Variants in SNRNP200 observed in about 807,000 individuals in gnomAD.
SNRNP200 encodes the protein small nuclear ribonucleoprotein U5 subunit 200.
SNRNP200 carries 66 observed loss-of-function variants against 255.2 expected under a neutral mutation model. That is an observed-to-expected ratio of 0.26 (90% CI 0.21 to 0.32). SNRNP200 has a LOEUF of 0.32. Among genes scored for constraint, SNRNP200 ranks in the 10% least tolerant of loss-of-function variants. The pLI, the probability that SNRNP200 is intolerant of heterozygous loss-of-function variation, is 1.00. For synonymous variants in SNRNP200, 939 were observed against 1,027.8 expected (o/e 0.91, Z 1.65); for missense variants, 1,585 against 2,749.8 (o/e 0.58, Z 9.47).
At chr2:96,301,081 G>T in intron 4 of SNRNP200, 28 bp from the exon 5 acceptor site, 1 of 1,609,124 alleles carries the variant, frequency 6.2e-7, no homozygotes, top group Non-Finnish European at 8.5e-7. Context: ...TAGAAAAAGA[G>T]GGCAGTGAAT....
chr2:96,299,119 A>C (rs1332757726), intron 6 of SNRNP200, 152 bp from the exon 7 acceptor site: 23 of 1,074,174 alleles, frequency 2.1e-5, no homozygotes, highest in Non-Finnish European at 2.9e-5. Flanking sequence ...TTGAGTTCAG[A>C]AGCACACCAG....
At chr2:96,288,889 T>C in intron 23 of SNRNP200, 143 bp from the exon 24 acceptor site, 3 of 1,035,284 alleles carry the variant, frequency 2.9e-6, no homozygotes, top group Non-Finnish European at 4.4e-6. Context: ...TGTTATTTCA[T>C]ATAAAAAGAA....
chr2:96,295,801 A>AT, intron 13 of SNRNP200, 143 bp from the exon 14 acceptor site: 1 of 851,108 alleles, frequency 1.2e-6, no homozygotes, highest in Non-Finnish European at 1.9e-6. Context: ...TCTTATGAAC[A>AT]TATCTTCCTC....
chr2:96,286,186 C>G lies in SNRNP200; in HGVS notation c.4003+125G>C. 1.1e-6 allele frequency: 1 copy of G among 924,904 alleles called. No homozygotes were observed. The highest frequency in any genetic ancestry group is 1.3e-5 in the South Asian group (1 of 76,596). 57.3% of individuals were successfully genotyped at this position (924,904 alleles called of 1,614,324 possible). A position where few individuals can be genotyped will look rare whatever the true frequency, so the allele number is the denominator to read the frequency against. ...AGGAAAAAGTCCTGGTGGGTCCCAG[C>G]GGTCACACTGAGGAGCTCCCAGACC... On this transcript the variant is annotated intron_variant, in intron 29 of 44. Transcript: ENST00000323853. This position sits in a 1 kb window ranked among gnomAD's most constrained non-coding sequence, Gnocchi z 4.8.
intron 34 of SNRNP200, chr2:96,282,397 A>C (rs557523418): frequency 3.1e-4 from 59 of 191,000 alleles, no homozygotes; most frequent in Middle Eastern, 9.8e-4. Context: ...TTTGCACAAA[A>C]TGCCACAGGG....
rs1184642761 is a variant in SNRNP200 at position 96,289,084 on chromosome 2, T to C, written c.3127A>G (p.Arg1043Gly). The C allele has an allele frequency of 6.2e-7, 1 of 1,613,402 alleles. No individual in the cohort carries two copies. The highest frequency in any genetic ancestry group is 1.1e-5 in the South Asian group (1 of 90,856). Reference protein sequence around the residue: ...EKLELQKLLERVPIPVKESIE... With the variant: ...EKLELQKLLEGVPIPVKESIE... ...CTCTCCTTTACAGGGATAGGCACCC[T>C]CTCCAGCAACTTCTGCAGCTCCAGC... Residue 1043 changes from arginine to glycine, a missense_variant, in exon 23 of 45, where the codon AGG becomes GGG. Coordinates refer to ENST00000323853, the MANE Select transcript of SNRNP200 (RefSeq NM_014014.5).
rs143009725 is a variant in SNRNP200 at position 96,285,435 on chromosome 2, G to A, written c.4004-95C>T. Reference sequence around the variant, plus strand: ...ATTGTCAAAACAAAGGACAACATACGAAATGAAGTCAGGCAGTTCTGGAGT... The same window carrying A: ...ATTGTCAAAACAAAGGACAACATACAAAATGAAGTCAGGCAGTTCTGGAGT... On this transcript the variant is annotated intron_variant, in intron 29 of 44. Coordinates refer to ENST00000323853, the MANE Select transcript of SNRNP200 (RefSeq NM_014014.5). 1.1e-3 allele frequency: 1,496 copies of A among 1,424,562 alleles called. 15 individuals carry two copies. The African/African-American group carries it at 0.019, about 18-fold the overall frequency. The allele number at this position is 1,424,562 out of a possible 1,614,324, so 88.2% of individuals were successfully genotyped here. A position where few individuals can be genotyped will look rare whatever the true frequency, so the allele number is the denominator to read the frequency against.
In SNRNP200 at chr2:96,295,720, G is replaced by A. The variant is rs2063912724; in HGVS notation, c.1672-62C>T. 3.8e-6 allele frequency: 6 copies of A among 1,581,220 alleles called. No individual in the cohort carries two copies. The African/African-American group carries it at 6.7e-5, about 18-fold the overall frequency. The stretch of plus-strand genomic sequence containing the variant: ...AAGGGGCCTGGACACCATGCTTTCT[G>A]TTTGGGCAATTGGAGTGTAGGGCAT... On this transcript the variant is annotated intron_variant, in intron 13 of 44. Transcript: ENST00000323853.
At chr2:96,276,579 G>A (rs890242390) in intron 43 of SNRNP200, 8 of 363,718 alleles carry the variant, frequency 2.2e-5, no homozygotes, top group South Asian at 1.1e-4. Context: ...CCACCACCAC[G>A]CACAGCTAAT....
chr2:96,301,351 C>T (rs1008880204), intron 4 of SNRNP200, among the ~76,000 whole-genome samples, 173 bp downstream of exon 4: 2 of 152,218 alleles, frequency 1.3e-5, no homozygotes, highest in African/African-American at 4.8e-5. Flanking sequence ...TAAGGAACAG[C>T]TGCTGGAATC....
At chr2:96,301,132 G>A (rs1433506040) in intron 4 of SNRNP200, 79 bp from the exon 5 acceptor site, 8 of 1,170,246 alleles carry the variant, frequency 6.8e-6, no homozygotes, top group Non-Finnish European at 1.0e-5. Flanking sequence ...TGTCCTCCCC[G>A]ACTACCTCTC....
rs1684686366 is a variant in SNRNP200, at chr2:96,277,414, C to CTATA, written c.5931+124_5931+125insTATA. ...GGCTCTCTAGCATCTCAACAGGGAG[C>CTATA]ACCTTCGGAGGAACCATAACTAAAA... On this transcript the variant is annotated intron_variant, in intron 41 of 44. Coordinates refer to ENST00000323853, the MANE Select transcript of SNRNP200 (RefSeq NM_014014.5). The surrounding 1 kb of genome is among the most constrained non-coding windows in gnomAD (Gnocchi z 4.4). 1.1e-5 allele frequency: 14 copies of CTATA among 1,324,078 alleles called. No individual in the cohort carries two copies. Among genetic ancestry groups the CTATA allele is most frequent in the Non-Finnish European group, 1.5e-5 (14 of 928,042 alleles). The allele number at this position is 1,324,078 out of a possible 1,614,324, so 82.0% of individuals were successfully genotyped here. A position where few individuals can be genotyped will look rare whatever the true frequency, so the allele number is the denominator to read the frequency against.
Position 96,277,245 on chromosome 2 carries a change from CA to C in SNRNP200, c.5932-5del. 1 of 1,614,132 alleles carries C rather than the reference CA, an allele frequency of 6.2e-7. No individual in the cohort carries two copies. The highest frequency in any genetic ancestry group is 8.5e-7 in the Non-Finnish European group (1 of 1,180,010). On this transcript the variant is annotated splice_polypyrimidine_tract_variant and splice_region_variant and intron_variant, in intron 41 of 44. Coordinates refer to ENST00000323853, the MANE Select transcript of SNRNP200 (RefSeq NM_014014.5). This position sits in a 1 kb window ranked among gnomAD's most constrained non-coding sequence, Gnocchi z 4.4. ...TGTCGAAAACACTCTCCACTCCCTGCAGTGAGTATTCAGACGTCAGGAAAGA... is the reference window on the plus strand; with the variant it reads ...TGTCGAAAACACTCTCCACTCCCTGCGTGAGTATTCAGACGTCAGGAAAGA...
Position 96,293,040 on chromosome 2 carries a change from T to C in SNRNP200, c.2092A>G (p.Ile698Val), listed in dbSNP as rs1457428682. 3 of 1,614,006 alleles carry C rather than the reference T, an allele frequency of 1.9e-6. No homozygotes were observed. Among genetic ancestry groups the C allele is most frequent in the South Asian group, 1.1e-5 (1 of 91,084 alleles). The change falls in exon 16 of 45, where the codon ATC becomes GTC. Residue 698 changes from isoleucine to valine, a missense_variant. By Grantham distance (29) the Ile-to-Val change is conservative (BLOSUM62 3). Coordinates refer to ENST00000323853, the MANE Select transcript of SNRNP200 (RefSeq NM_014014.5). ...TCATTCATGATCTGGAAACGCTTGA[T>C]AGCTTTTTTCTCTGTGATACCCACA... ...TYVGITEKKA[I>V]KRFQIMNEIV...
At chr2:96,296,908 A>G (rs757211826) in intron 12 of SNRNP200, 25 bp downstream of exon 12, 23 of 1,614,048 alleles carry the variant, frequency 1.4e-5, no homozygotes, top group Non-Finnish European at 1.9e-5. Context: ...TTCTACAAGA[A>G]AACAGCAGGC....
chr2:96,303,574 T>C (rs1454304056), intron 2 of SNRNP200, among the ~76,000 whole-genome samples: 1 of 152,140 alleles, frequency 6.6e-6, no homozygotes, highest in African/African-American at 2.4e-5. Context: ...AACATTACAA[T>C]GAGATGTTTC....
At position 96,278,483 on chromosome 2, in the gene SNRNP200, A is replaced by G. The variant is rs915407235; in HGVS notation, c.5488+64T>C. The G allele has an allele frequency of 2.5e-6, 4 of 1,611,108 alleles. No homozygotes were observed. The highest frequency in any genetic ancestry group is 3.4e-6 in the Non-Finnish European group (4 of 1,179,514). On this transcript the variant is annotated intron_variant, in intron 38 of 44. Transcript: ENST00000323853. This position sits in a 1 kb window ranked among gnomAD's most constrained non-coding sequence, Gnocchi z 6.9. The stretch of plus-strand genomic sequence containing the variant: ...CAAACACGGGCGCACCTCTCATCCC[A>G]GTGGGCTCCTGACCCGTGTAAAAAG...
chr2:96,289,464 G>T (rs1573995198), intron 21 of SNRNP200, 85 bp from the exon 22 acceptor site: 1 of 1,480,894 alleles, frequency 6.8e-7, no homozygotes, highest in Non-Finnish European at 9.4e-7. Flanking sequence ...TGTCCTATAG[G>T]TTTTTTGTAC....
At chr2:96,276,376 C>T (rs981640677) in intron 43 of SNRNP200, 4 of 170,910 alleles carry the variant, frequency 2.3e-5, no homozygotes, top group African/African-American at 9.7e-5. Flanking sequence ...GAGAGATGGA[C>T]AATACTACAC....
Sources: gnomAD v4.1 joint callset for allele counts (sites outside exome capture counted in the v4.1 genomes callset) on GRCh38, gnomAD v4.1.1 for gene constraint, Gnocchi (gnomAD v3.1) non-coding constraint, MANE v1.5 for transcripts, NCBI Gene and HGNC (gene_info 2026-07-23, HGNC 2026-07-21) for gene names.